Variants in DET1 observed in about 807,000 individuals in gnomAD.
DET1 encodes the protein DET1 homolog.
DET1 carries 22 observed loss-of-function variants against 43.7 expected under a neutral mutation model. The ratio of observed to expected loss-of-function variants is 0.50; its 90% CI spans 0.36 to 0.72. The LOEUF is 0.72. Ranked by LOEUF, DET1 falls within the 30% of genes least tolerant of loss-of-function variation. The probability of loss-of-function intolerance (pLI) is 0.00; values close to 1 mark genes in which losing one functional copy is unlikely to be tolerated. For missense variants in DET1, 713 were observed against 713.3 expected (o/e 1.00, Z 0.00); for synonymous variants, 315 against 266.2 (o/e 1.18, Z -1.79).
chr15:88,524,851 C>A (rs923753907), intron 3 of DET1, among the ~76,000 whole-genome samples: 9 of 152,206 alleles, frequency 5.9e-5, no homozygotes, highest in African/African-American at 2.2e-4. Flanking sequence ...AACCAGAGAC[C>A]CTTGTTCACA....
intron 1 of DET1, among the ~76,000 whole-genome samples, chr15:88,539,337 G>T (rs916824027): frequency 2.0e-5 from 3 of 151,642 alleles, no homozygotes; most frequent in Admixed American, 1.3e-4. Context: ...GATCCAAGCC[G>T]GGGGTTTATA....
chr15:88,523,674 C>T (rs1044345597), intron 3 of DET1, among the ~76,000 whole-genome samples: 11 of 152,156 alleles, frequency 7.2e-5, no homozygotes, highest in Non-Finnish European at 1.3e-4. Flanking sequence ...CTCCTGACCG[C>T]GAGTGATCTG....
At chr15:88,534,358 G>A (rs931900920) in intron 1 of DET1, among the ~76,000 whole-genome samples, 1 of 152,070 alleles carries the variant, frequency 6.6e-6, no homozygotes, top group Admixed American at 6.5e-5. Context: ...CATAAGACAG[G>A]CATATGAGAA....
intron 3 of DET1, among the ~76,000 whole-genome samples, chr15:88,524,314 G>A (rs1292926034): frequency 1.3e-5 from 2 of 151,500 alleles, no homozygotes; most frequent in African/African-American, 2.4e-5. Flanking sequence ...GAGCGTCTCC[G>A]CCCAGCAGCT....
At chr15:88,523,233 A>T (rs922815214) in intron 3 of DET1, among the ~76,000 whole-genome samples, 8 of 152,204 alleles carry the variant, frequency 5.3e-5, no homozygotes, top group South Asian at 2.1e-4. Flanking sequence ...CTTTTAGGAT[A>T]AAGGCTTTCC....
At chr15:88,545,420 TAA>T (rs1190120909) in intron 1 of DET1, among the ~76,000 whole-genome samples, 1 of 152,052 alleles carries the variant, frequency 6.6e-6, no homozygotes, top group Non-Finnish European at 1.5e-5. Flanking sequence ...TTCTTAGTCA[TAA>T]AAGATACCCT....
At chr15:88,513,181 G>A (rs962060710) in intron 4 of DET1, 41 bp from the exon 5 acceptor site, 7 of 1,544,036 alleles carry the variant, frequency 4.5e-6, no homozygotes, top group Middle Eastern at 1.8e-4. Context: ...GAGGGGACAG[G>A]ATTGATATTC....
Position 88,512,889 on chromosome 15 carries a change from C to A in DET1, c.*62G>T. The stretch of plus-strand genomic sequence containing the variant: ...TAGTCGGGAGCTTTTGCTTTGGAGT[C>A]CACTGAGATAAGTGAGTGGCAAAGT... On this transcript the variant is annotated 3_prime_UTR_variant, in exon 5 of 5. Transcript: ENST00000268148. The A allele has an allele frequency of 6.3e-7, 1 of 1,582,116 alleles. No individual in the cohort carries two copies. The highest frequency in any genetic ancestry group is 1.2e-5 in the South Asian group (1 of 86,212).
chr15:88,505,208 G>A (rs995458155), intron 7 of DET1: 2 of 152,174 alleles, frequency 1.3e-5, no homozygotes, highest in Non-Finnish European at 2.9e-5. Context: ...GCATGAATTG[G>A]TGTCTCTCAC....
At chr15:88,530,586 A>G in intron 2 of DET1, 37 bp downstream of exon 2, 1 of 1,538,570 alleles carries the variant, frequency 6.5e-7, no homozygotes, top group Non-Finnish European at 8.7e-7. Flanking sequence ...TTTGCCAAGG[A>G]GATTAGACAA....
chr15:88,520,656 C>T (rs2056465297), intron 3 of DET1, among the ~76,000 whole-genome samples: 1 of 152,156 alleles, frequency 6.6e-6, no homozygotes, highest in Non-Finnish European at 1.5e-5. Flanking sequence ...GCCCATAGAC[C>T]ATCCTCCATT....
At position 88,527,735 on chromosome 15, in the gene DET1, A is replaced by C. The variant is rs1278628941; in HGVS notation, c.1135T>G (p.Phe379Val). 2 of 1,613,522 alleles carry C rather than the reference A, an allele frequency of 1.2e-6. No individual in the cohort carries two copies. Among genetic ancestry groups the C allele is most frequent in the Admixed American group, 3.3e-5 (2 of 59,914 alleles). ...NMVTTEVIAV[F>V]ENTSDELLEL... is the part of the protein sequence containing the mutation. Reference sequence around the variant, plus strand: ...AAAAGCTCATCTGATGTATTCTCAAACACAGCAATCACCTCTGTCGTCACC... The same window carrying C: ...AAAAGCTCATCTGATGTATTCTCAACCACAGCAATCACCTCTGTCGTCACC... The change falls in exon 3 of 5, where the codon TTT becomes GTT. Residue 379 changes from phenylalanine to valine, a missense_variant. Phe to Val is a conservative substitution (Grantham distance 50). Coordinates refer to ENST00000268148, the MANE Select transcript of DET1 (RefSeq NM_001144074.3).
Position 88,531,929 on chromosome 15 carries a change from C to A in DET1, c.-10-214G>T. The A allele has an allele frequency of 1.9e-6, 1 of 534,556 alleles. No individual in the cohort carries two copies. Among genetic ancestry groups the A allele is most frequent in the Non-Finnish European group, 3.3e-6 (1 of 306,596 alleles). 33.1% of individuals were successfully genotyped at this position (534,556 alleles called of 1,614,324 possible). On this transcript the variant is annotated intron_variant, in intron 1 of 4. Coordinates refer to ENST00000268148, the MANE Select transcript of DET1 (RefSeq NM_001144074.3). This position sits in a 1 kb window ranked among gnomAD's most constrained non-coding sequence, Gnocchi z 6.2. ...AGGTCTAAGGGAAGGATCTAGTTCA[C>A]TAGGAATACCTTCCAAGTATGCTCA...
chr15:88,529,547 A>T (rs1359578728), intron 2 of DET1, among the ~76,000 whole-genome samples: 1 of 152,196 alleles, frequency 6.6e-6, no homozygotes, highest in African/African-American at 2.4e-5. Context: ...ATAAACTACA[A>T]TTCAGAAGGA....
chr15:88,515,834 G>T (rs1010374919), intron 4 of DET1, among the ~76,000 whole-genome samples: 2 of 152,094 alleles, frequency 1.3e-5, no homozygotes, highest in African/African-American at 4.8e-5. Flanking sequence ...GCTGAAACAG[G>T]AGTGGCCACG....
chr15:88,527,053 C>A (rs965924334), intron 3 of DET1, among the ~76,000 whole-genome samples: 2 of 152,318 alleles, frequency 1.3e-5, no homozygotes, highest in African/African-American at 4.8e-5. Flanking sequence ...TATGCTAAGT[C>A]AGTTCTCATT....
intron 1 of DET1, among the ~76,000 whole-genome samples, chr15:88,539,934 T>A (rs548653955): frequency 2.0e-5 from 3 of 152,312 alleles, no homozygotes; most frequent in Admixed American, 2.0e-4. Flanking sequence ...CCTGTGCCCT[T>A]AAACAGAACA....
chr15:88,520,954 T>C (rs988081164), intron 3 of DET1, among the ~76,000 whole-genome samples: 1 of 152,202 alleles, frequency 6.6e-6, no homozygotes, highest in African/African-American at 2.4e-5. Context: ...CATTCTACTC[T>C]TAACAGAACA....
At chr15:88,537,579 C>T (rs2056985811) in intron 1 of DET1, among the ~76,000 whole-genome samples, 1 of 152,226 alleles carries the variant, frequency 6.6e-6, no homozygotes, top group Non-Finnish European at 1.5e-5. Context: ...TTTTGCCCTA[C>T]ATAGGCAGAG....
Sources: gnomAD v4.1 joint callset for allele counts (sites outside exome capture counted in the v4.1 genomes callset) on GRCh38, gnomAD v4.1.1 for gene constraint, Gnocchi (gnomAD v3.1) non-coding constraint, MANE v1.5 for transcripts, NCBI Gene and HGNC (gene_info 2026-07-23, HGNC 2026-07-21) for gene names.